Variants in TWSG1 observed in about 807,000 individuals in gnomAD.
TWSG1 encodes the protein twisted gastrulation protein homolog 1.
In TWSG1, 15 loss-of-function variants were observed where a neutral mutation model predicts 23.0. The observed-to-expected ratio is 0.65, with a 90% CI of 0.44 to 1.00. The LOEUF (loss-of-function observed/expected upper bound fraction) is 1.00, where lower values mean the gene tolerates loss of function less well. Among genes scored for constraint, TWSG1 ranks in the 50% least tolerant of loss-of-function variants. TWSG1 has a pLI of 0.00. For synonymous variants in TWSG1, 86 were observed against 92.8 expected (o/e 0.93, Z 0.42); for missense variants, 242 against 278.7 (o/e 0.87, Z 0.94).
chr18:9,363,347 CT>C (rs930162035), intron 3 of TWSG1, among the ~76,000 whole-genome samples: 38 of 150,942 alleles, frequency 2.5e-4, no homozygotes, highest in African/African-American at 8.8e-4. Context: ...ACTGTTTTTA[CT>C]TTTCCAAATG....
chr18:9,396,622 A>G (rs920859815), intron 4 of TWSG1, 76 bp downstream of exon 4: 3 of 1,517,038 alleles, frequency 2.0e-6, no homozygotes, highest in African/African-American at 1.4e-5. Context: ...AACCTATATA[A>G]GACCATCTTT....
At chr18:9,342,158 G>A (rs2040449175) in intron 2 of TWSG1, among the ~76,000 whole-genome samples, 1 of 152,170 alleles carries the variant, frequency 6.6e-6, no homozygotes, top group African/African-American at 2.4e-5. Flanking sequence ...TTAAGCGTAT[G>A]AACTCTGGAA....
chr18:9,395,469 T>C (rs2040730367), intron 3 of TWSG1, among the ~76,000 whole-genome samples: 1 of 152,250 alleles, frequency 6.6e-6, no homozygotes, highest in South Asian at 2.1e-4. Flanking sequence ...GTTTCCTTTC[T>C]TCTACATTTA....
intron 2 of TWSG1, among the ~76,000 whole-genome samples, chr18:9,339,489 G>C (rs2040436575): frequency 6.6e-6 from 1 of 152,006 alleles, no homozygotes. Flanking sequence ...TTGCCATGTT[G>C]CCAAGGCTGG....
chr18:9,399,313 C>T lies in TWSG1; in HGVS notation c.491-33C>T, dbSNP rs748556266. ...TTTTATTTTTTTGTTTTTCTTCTTT[C>T]TTGCCCTGAAATCTTAAATTTTTGT... On this transcript the variant is annotated intron_variant, in intron 4 of 4. Transcript: ENST00000262120. 1.0e-5 allele frequency: 15 copies of T among 1,501,228 alleles called. No homozygotes were observed. The African/African-American group carries it at 1.6e-4, about 16-fold the overall frequency. The allele number at this position is 1,501,228 out of a possible 1,614,324, so 93.0% of individuals were successfully genotyped here.
At chr18:9,338,051 C>T (rs1377414416) in intron 2 of TWSG1, among the ~76,000 whole-genome samples, 9 of 152,202 alleles carry the variant, frequency 5.9e-5, no homozygotes, top group Non-Finnish European at 8.8e-5. Flanking sequence ...TATTGAACTC[C>T]TGATTAGCTT....
At chr18:9,365,518 T>C (rs972427621) in intron 3 of TWSG1, among the ~76,000 whole-genome samples, 3 of 151,238 alleles carry the variant, frequency 2.0e-5, no homozygotes, top group Non-Finnish European at 4.4e-5. Context: ...AATAAAAAAT[T>C]TAGCTGTGCA....
Position 9,396,318 on chromosome 18 carries a change from A to G in TWSG1, c.262A>G (p.Thr88Ala). Residue 88 changes from threonine (T) to alanine (A), a missense_variant, in exon 4 of 5, where the codon ACT becomes GCT. By Grantham distance (58) the Thr-to-Ala change is moderately conservative. Transcript: ENST00000262120. ...TCGAAATTATAGTGACACACCTCCA[A>G]CTTCAAAGAGCACAGTGGAGGAGCT... is the stretch of plus-strand genomic sequence containing the variant. ...NPRNYSDTPPTSKSTVEELHE... is the reference protein window; with the variant it reads ...NPRNYSDTPPASKSTVEELHE... 2 of 1,614,116 alleles carry G rather than the reference A, an allele frequency of 1.2e-6. No individual in the cohort carries two copies. The highest frequency in any genetic ancestry group is 1.7e-6 in the Non-Finnish European group (2 of 1,179,992).
At chr18:9,398,310 A>G (rs2040747299) in intron 4 of TWSG1, among the ~76,000 whole-genome samples, 1 of 152,232 alleles carries the variant, frequency 6.6e-6, no homozygotes, top group African/African-American at 2.4e-5. Flanking sequence ...AGCAATTAGC[A>G]AGAAGCTAAT....
At chr18:9,385,177 G>A (rs563254624) in intron 3 of TWSG1, among the ~76,000 whole-genome samples, 4 of 152,208 alleles carry the variant, frequency 2.6e-5, no homozygotes, top group East Asian at 1.9e-4. Context: ...TCCTCCATTC[G>A]TCAGAAAAAG....
intron 3 of TWSG1, among the ~76,000 whole-genome samples, chr18:9,363,268 CAT>C (rs1485197738): frequency 6.6e-6 from 1 of 152,170 alleles, no homozygotes; most frequent in African/African-American, 2.4e-5. Flanking sequence ...TGCTGTCCAA[CAT>C]ATTCCTGAAA....
chr18:9,394,478 T>C (rs1036641007), intron 3 of TWSG1, among the ~76,000 whole-genome samples: 1 of 152,170 alleles, frequency 6.6e-6, no homozygotes, highest in African/African-American at 2.4e-5. Flanking sequence ...TACAGCTAGA[T>C]AGGAGGAATG....
intron 4 of TWSG1, among the ~76,000 whole-genome samples, chr18:9,399,095 A>C (rs1241201340): frequency 6.6e-6 from 1 of 152,172 alleles, no homozygotes; most frequent in East Asian, 1.9e-4. Flanking sequence ...TTTTCGATCA[A>C]AGCCTGAAAT....
At position 9,380,149 on chromosome 18, in the gene TWSG1, G is replaced by A. The variant is rs147643047; in HGVS notation, c.224-16131G>A. The stretch of plus-strand genomic sequence containing the variant: ...GATCTAGTCAGTCATGGAATATTTT[G>A]TGAAACTTAATAATAGCTAATGCTT... On this transcript the variant is annotated intron_variant, in intron 3 of 4. Transcript: ENST00000262120. Among the ~76,000 whole-genome samples the A allele has an allele frequency of 1.5e-3, 234 of 152,262 alleles. 5 individuals carry two copies. In the East Asian group the frequency reaches 0.034, roughly 22 times the overall value.
At chr18:9,381,161 C>A (rs2040654187) in intron 3 of TWSG1, among the ~76,000 whole-genome samples, 1 of 152,238 alleles carries the variant, frequency 6.6e-6, no homozygotes, top group Non-Finnish European at 1.5e-5. Context: ...ACCCCTCTCA[C>A]AATGAGGTCT....
intron 4 of TWSG1, 122 bp downstream of exon 4, chr18:9,396,668 C>T: frequency 8.1e-7 from 1 of 1,235,322 alleles, no homozygotes; most frequent in South Asian, 1.5e-5. Flanking sequence ...TGTATCATCT[C>T]ACATAAATTC....
intron 3 of TWSG1, among the ~76,000 whole-genome samples, chr18:9,386,813 T>A (rs1242743869): frequency 6.6e-6 from 1 of 152,188 alleles, no homozygotes; most frequent in East Asian, 1.9e-4. Context: ...TACAAGAAGT[T>A]AAAAATCACA....
chr18:9,365,077 T>A (rs546033374), intron 3 of TWSG1, among the ~76,000 whole-genome samples: 2 of 152,132 alleles, frequency 1.3e-5, no homozygotes, highest in Non-Finnish European at 2.9e-5. Flanking sequence ...TTCCAGCACG[T>A]TGGGAGGCCA....
rs1406780612 is a variant in TWSG1, at chr18:9,396,522, C to A, written c.466C>A (p.His156Asn). The change falls in exon 4 of 5, where the codon CAC becomes AAC. Residue 156 changes from histidine to asparagine, a missense_variant. His to Asn is a moderately conservative substitution (Grantham distance 68, BLOSUM62 1). Transcript: ENST00000262120. ...QNVSVPSNNV[H>N]APYSSDKEHM... ...TGTGTCTGTCCCCAGCAATAATGTT[C>A]ACGCGCCTTATTCCAGTGACAAAGG... 1.2e-6 allele frequency: 2 copies of A among 1,613,022 alleles called. No homozygotes were observed. Among genetic ancestry groups the A allele is most frequent in the African/African-American group, 2.7e-5 (2 of 74,942 alleles).
Sources: gnomAD v4.1 joint callset for allele counts (sites outside exome capture counted in the v4.1 genomes callset) on GRCh38, gnomAD v4.1.1 for gene constraint, MANE v1.5 for transcripts, NCBI Gene and HGNC (gene_info 2026-07-23, HGNC 2026-07-21) for gene names.